The following PCDHA3 variants were observed in gnomAD, a reference collection of about 807,000 sequenced individuals.
PCDHA3 encodes protocadherin alpha-3.
Under a neutral mutation model 62.2 loss-of-function variants are expected in PCDHA3, and 41 were observed. That is an observed-to-expected ratio of 0.66 (90% CI 0.51 to 0.86). PCDHA3 has a LOEUF of 0.86. PCDHA3 is among the 40% of genes least tolerant of loss of function. PCDHA3 has a pLI of 0.00. For missense variants in PCDHA3, 1,304 were observed against 1,241.2 expected (o/e 1.05, Z -0.76); for synonymous variants, 640 against 555.4 (o/e 1.15, Z -2.14).
chr5:140,809,529 A>G (rs782270940), intron 1 of PCDHA3: 1 of 1,614,060 alleles, frequency 6.2e-7, no homozygotes, highest in South Asian at 1.1e-5. Context: ...GACTCTAGGG[A>G]CAGAGAAGAT....
chr5:140,808,211 GACA>G (rs782593342), intron 1 of PCDHA3: 10 of 1,614,252 alleles, frequency 6.2e-6, no homozygotes, highest in Admixed American at 1.7e-5. Flanking sequence ...GGAAGTAGAA[GACA>G]ACAACGATAA....
At chr5:140,875,978 C>T (rs534648937) in intron 1 of PCDHA3, 2 of 1,613,976 alleles carry the variant, frequency 1.2e-6, no homozygotes, top group East Asian at 4.5e-5. Flanking sequence ...TCTCTTTTGA[C>T]CTATGCGTTA....
intron 1 of PCDHA3, chr5:140,816,542 C>T (rs1473760184): frequency 6.6e-6 from 1 of 151,480 alleles, no homozygotes; most frequent in Non-Finnish European, 1.5e-5. Flanking sequence ...TGGGCACGCA[C>T]TATTTGATTG....
intron 1 of PCDHA3, chr5:140,815,377 T>C (rs1765709117): frequency 6.6e-6 from 1 of 152,104 alleles, no homozygotes; most frequent in South Asian, 2.1e-4. Flanking sequence ...TCTTTGTGGT[T>C]ACCATGGGGC....
Position 140,802,932 on chromosome 5 carries a change from G to T in PCDHA3, c.1735G>T (p.Glu579Ter). The change falls in exon 1 of 4, where the codon GAG becomes TAG. Residue 579 changes from glutamate (E) to a stop codon, truncating the protein, a stop_gained. Coordinates refer to ENST00000522353, the MANE Select transcript of PCDHA3 (RefSeq NM_018906.3). LOFTEE classifies it high-confidence loss of function. Reference protein sequence around the residue: ...RVGGIGGAVSELVPRSVGAGH... With the variant: ...RVGGIGGAVS ...GGGTGGCATCGGTGGCGCAGTGAGC[G>T]AGCTGGTGCCGCGGTCAGTGGGTGC... The T allele has an allele frequency of 1.9e-6, 3 of 1,613,832 alleles. No homozygotes were observed. Among genetic ancestry groups the T allele is most frequent in the Non-Finnish European group, 2.5e-6 (3 of 1,179,892 alleles).
chr5:140,871,210 A>T (rs2052831697), intron 1 of PCDHA3: 2 of 1,613,818 alleles, frequency 1.2e-6, no homozygotes, highest in Middle Eastern at 1.7e-4. Flanking sequence ...GATCATCGCC[A>T]TCTGCGTGGT....
intron 1 of PCDHA3, among the ~76,000 whole-genome samples, chr5:140,902,752 C>A (rs782602670): frequency 2.0e-5 from 3 of 148,884 alleles, no homozygotes; most frequent in African/African-American, 7.3e-5. Flanking sequence ...TCCATTATAT[C>A]ATTCTTATGT....
chr5:140,900,768 T>A (rs1554189412), intron 1 of PCDHA3, among the ~76,000 whole-genome samples: 2 of 152,192 alleles, frequency 1.3e-5, no homozygotes, highest in Non-Finnish European at 1.5e-5. Context: ...TATTTTTGGC[T>A]TTTTGAGGAA....
chr5:140,834,187 T>TC, intron 1 of PCDHA3: 1 of 577,002 alleles, frequency 1.7e-6, no homozygotes, highest in South Asian at 2.5e-5. Context: ...CCACATGATG[T>TC]CGCTCTTTAC....
At chr5:140,869,760 A>G in intron 1 of PCDHA3, 1 of 1,613,206 alleles carries the variant, frequency 6.2e-7, no homozygotes, top group Non-Finnish European at 8.5e-7. Flanking sequence ...ACGGGGGAAA[A>G]CCAGAGCTTA....
At chr5:140,976,691 C>G (rs1219355793) in intron 1 of PCDHA3, among the ~76,000 whole-genome samples, 1 of 152,126 alleles carries the variant, frequency 6.6e-6, no homozygotes. Context: ...AATTTAAGTA[C>G]AATAATGTTG....
At position 140,857,686 on chromosome 5, in the gene PCDHA3, C is replaced by A; in HGVS notation, c.2394+54095C>A. The A allele has an allele frequency of 3.8e-6, 6 of 1,597,184 alleles. 1 individual carries two copies. Among genetic ancestry groups the A allele is most frequent in the Non-Finnish European group, 5.1e-6 (6 of 1,167,762 alleles). ...ATGGGGGCGTGCCGCCTCTGGGCAG[C>A]AACTTGACGCTGCAGGTGTTCGTGC... On this transcript the variant is annotated intron_variant, in intron 1 of 3. Transcript: ENST00000522353.
intron 1 of PCDHA3, among the ~76,000 whole-genome samples, chr5:140,952,530 A>T (rs246033): frequency 6.6e-6 from 1 of 151,882 alleles, no homozygotes; most frequent in Non-Finnish European, 1.5e-5. Context: ...ACCTCCTCAG[A>T]CTGGACTTCT....
intron 1 of PCDHA3, among the ~76,000 whole-genome samples, chr5:140,896,091 G>A (rs1353012571): frequency 2.0e-5 from 3 of 152,104 alleles, no homozygotes; most frequent in African/African-American, 2.4e-5. Flanking sequence ...GATTACAGGC[G>A]TGAGCCACTG....
rs1325743256 is a variant in PCDHA3 at position 140,849,105 on chromosome 5, G to T, written c.2394+45514G>T. 6 of 1,455,392 alleles carry T rather than the reference G, an allele frequency of 4.1e-6. No individual in the cohort carries two copies. The East Asian group carries it at 1.4e-4, about 34-fold the overall frequency. 90.2% of individuals were successfully genotyped at this position (1,455,392 alleles called of 1,614,324 possible). ...ATTACGGAAACTTTTAGACAGAGAA[G>T]AAACTCCGGAGCTTCATTTATTGCT... On this transcript the variant is annotated intron_variant, in intron 1 of 3. Coordinates refer to ENST00000522353, the MANE Select transcript of PCDHA3 (RefSeq NM_018906.3).
intron 1 of PCDHA3, among the ~76,000 whole-genome samples, chr5:140,892,007 T>C (rs1285446962): frequency 1.3e-5 from 2 of 152,244 alleles, no homozygotes; most frequent in South Asian, 2.1e-4. Context: ...CATTCTGTTA[T>C]AGCAGCACAA....
chr5:140,979,004 A>T lies in PCDHA3; in HGVS notation c.2450A>T (p.His817Leu). ...RYSASLRAGM[H>L]SSVHLEEAGI... Reference sequence around the variant, plus strand: ...TCTGCCTCCCTGAGAGCAGGCATGCACAGGTATGTATTTCCCTCCTCATTC... The same window carrying T: ...TCTGCCTCCCTGAGAGCAGGCATGCTCAGGTATGTATTTCCCTCCTCATTC... Residue 817 changes from histidine (H) to leucine (L), a missense_variant, in exon 2 of 4, where the codon CAC becomes CTC. His to Leu is a moderately conservative substitution (Grantham distance 99). Coordinates refer to ENST00000522353, the MANE Select transcript of PCDHA3 (RefSeq NM_018906.3). The T allele has an allele frequency of 6.2e-7, 1 of 1,614,144 alleles. No homozygotes were observed. Among genetic ancestry groups the T allele is most frequent in the South Asian group, 1.1e-5 (1 of 91,052 alleles).
intron 1 of PCDHA3, chr5:140,876,174 T>A: frequency 6.2e-7 from 1 of 1,613,934 alleles, no homozygotes; most frequent in Non-Finnish European, 8.5e-7. Context: ...CCGTCCTGGA[T>A]GTGAATGACA....
Position 140,802,028 on chromosome 5 carries a change from C to T in PCDHA3, c.831C>T (p.Ile277=). 1 of 1,614,136 alleles carries T rather than the reference C, an allele frequency of 6.2e-7. No homozygotes were observed. The highest frequency in any genetic ancestry group is 1.1e-5 in the South Asian group (1 of 91,076). The change falls in exon 1 of 4, where the codon ATC becomes ATT. Residue 277 remains isoleucine (I), a synonymous_variant. Coordinates refer to ENST00000522353, the MANE Select transcript of PCDHA3 (RefSeq NM_018906.3). ...TGGATGAAGGAGTAAATAAGGATAT[C>T]GCGTATTCTTTCAATACGGACATGT... ...TDLDEGVNKD[I]AYSFNTDMSA...
Sources: allele counts gnomAD v4.1 joint callset (sites outside exome capture counted in the v4.1 genomes callset), GRCh38; gene constraint gnomAD v4.1.1; transcripts MANE v1.5; gene names NCBI Gene and HGNC (gene_info 2026-07-23, HGNC 2026-07-21).